IST1: variants seen among roughly 807,000 people sequenced by gnomAD.
The protein encoded by IST1 is IST1 factor associated with ESCRT-III.
Under a neutral mutation model 37.0 loss-of-function variants are expected in IST1, and 23 were observed. That is an observed-to-expected ratio of 0.62 (90% CI 0.45 to 0.88). The LOEUF is 0.88. Among genes scored for constraint, IST1 ranks in the 40% least tolerant of loss-of-function variants. The pLI, the probability that IST1 is intolerant of heterozygous loss-of-function variation, is 0.00. For synonymous variants in IST1, 180 were observed against 161.7 expected, an observed-to-expected ratio of 1.11 and a Z score of -0.86; for missense variants, 488 against 445.4, an observed-to-expected ratio of 1.10 and a Z score of -0.86.
In IST1 at chr16:71,929,465, T is replaced by C. The variant is rs988124954; in HGVS notation, c.*1652T>C. On this transcript the variant is annotated 3_prime_UTR_variant, in exon 10 of 10. Coordinates refer to ENST00000378799, the MANE Select transcript of IST1 (RefSeq NM_001270975.2). ...GAATTAAAAACAAAGTATATTATAA[T>C]TTTAAAGCTATGCCATGCAAAGATA... The C allele has an allele frequency of 2.2e-6, 3 of 1,375,224 alleles. No homozygotes were observed. Among genetic ancestry groups the C allele is most frequent in the African/African-American group, 1.5e-5 (1 of 67,760 alleles). The allele number at this position is 1,375,224 out of a possible 1,614,324, so 85.2% of individuals were successfully genotyped here.
rs1390860368 is a variant in IST1, at chr16:71,900,698, A to C, written c.-16+5109A>C. ...ATATGTATATAAACAGAATACCGAG[A>C]ACTAGGATTGTGGTCACTAGTTCAT... On this transcript the variant is annotated intron_variant, in intron 1 of 9. Coordinates refer to ENST00000378799, the MANE Select transcript of IST1 (RefSeq NM_001270975.2). 2.0e-5 allele frequency among the ~76,000 whole-genome samples: 3 copies of C among 152,330 alleles called. No homozygotes were observed. The East Asian group carries it at 5.8e-4, about 29-fold the overall frequency.
intron 1 of IST1, among the ~76,000 whole-genome samples, chr16:71,911,734 T>C (rs1188870265): frequency 1.4e-5 from 1 of 72,798 alleles, no homozygotes; most frequent in Admixed American, 1.6e-4. Context: ...TTTTTTTTTT[T>C]GAGACAGGGT....
upstream of IST1, chr16:71,894,698 CTT>C (rs35889170): frequency 0.017 from 7,340 of 434,624 alleles, no homozygotes; most frequent in Non-Finnish European, 0.019. Context: ...TAATTTTTAA[CTT>C]TTTTTTTTTT....
At position 71,929,414 on chromosome 16, in the gene IST1, A is replaced by G; in HGVS notation, c.*1601A>G. ...CCAAGATCCATAAGAACTTGGGACC[A>G]AGGGGATTTTGATTCCTAACTTACA... On this transcript the variant is annotated 3_prime_UTR_variant, in exon 10 of 10. Transcript: ENST00000378799. The G allele has an allele frequency of 3.0e-6, 3 of 984,930 alleles. No individual in the cohort carries two copies. Among genetic ancestry groups the G allele is most frequent in the Middle Eastern group, 2.8e-4 (1 of 3,524 alleles). 61.0% of individuals were successfully genotyped at this position (984,930 alleles called of 1,614,324 possible).
At chr16:71,899,144 C>T (rs1188550812) in intron 1 of IST1, among the ~76,000 whole-genome samples, 1 of 152,082 alleles carries the variant, frequency 6.6e-6, no homozygotes, top group African/African-American at 2.4e-5. Flanking sequence ...GCCTTATTTT[C>T]TTGTGAATAA....
intron 6 of IST1, 51 bp from the exon 7 acceptor site, chr16:71,922,423 A>T (rs1176100411): frequency 1.3e-6 from 2 of 1,495,378 alleles, no homozygotes; most frequent in Admixed American, 1.7e-5. Flanking sequence ...CTTTCTGGGG[A>T]ACCTGGCCTT....
chr16:71,899,851 GTC>G (rs751732580), intron 1 of IST1, among the ~76,000 whole-genome samples: 4 of 152,094 alleles, frequency 2.6e-5, no homozygotes, highest in Non-Finnish European at 4.4e-5. Context: ...GTGAAACCCT[GTC>G]TCTACTAAAA....
rs1273249133 is a variant in IST1 at position 71,924,126 on chromosome 16, T to C, written c.853-643T>C. ...CTACCTTGGGCCTGAGTTTTTCTTA[T>C]GCTTTGGTTTTGCATGCGTCACATA... On this transcript the variant is annotated intron_variant, in intron 8 of 9. Transcript: ENST00000378799. 12 of 456,090 alleles carry C rather than the reference T, an allele frequency of 2.6e-5. No individual in the cohort carries two copies. In the East Asian group the frequency reaches 5.6e-4, roughly 21 times the overall value. 28.3% of individuals were successfully genotyped at this position (456,090 alleles called of 1,614,324 possible). A position where few individuals can be genotyped will look rare whatever the true frequency, so the allele number is the denominator to read the frequency against.
chr16:71,926,877 C>T (rs2037757024), intron 9 of IST1, among the ~76,000 whole-genome samples: 1 of 152,070 alleles, frequency 6.6e-6, no homozygotes, highest in Admixed American at 6.6e-5. Flanking sequence ...AGATGGAAGA[C>T]TGGAAATACA....
intron 4 of IST1, among the ~76,000 whole-genome samples, chr16:71,920,347 C>G (rs2037551979): frequency 6.6e-6 from 1 of 152,122 alleles, no homozygotes; most frequent in Admixed American, 6.5e-5. Context: ...TAGCACAAAG[C>G]AAGGAGGCTT....
intron 6 of IST1, among the ~76,000 whole-genome samples, chr16:71,922,139 C>CAA (rs542498007): frequency 7.0e-6 from 1 of 143,060 alleles, no homozygotes. Context: ...GACTCCGTCT[C>CAA]AAAAAAAAAA....
chr16:71,913,924 T>G (rs2037412230), intron 1 of IST1, among the ~76,000 whole-genome samples: 1 of 152,170 alleles, frequency 6.6e-6, no homozygotes, highest in Admixed American at 6.5e-5. Flanking sequence ...TTCTCCTGCC[T>G]CAGCCTCCGG....
chr16:71,895,708 C>T (rs1009918018), intron 1 of IST1, 119 bp downstream of exon 1: 2 of 257,118 alleles, frequency 7.8e-6, no homozygotes, highest in Non-Finnish European at 1.2e-5. Context: ...GAGGGGGCAG[C>T]TGAGGAGAAA....
chr16:71,924,466 C>T, intron 8 of IST1: 1 of 505,290 alleles, frequency 2.0e-6, no homozygotes, highest in African/African-American at 1.9e-5. Flanking sequence ...TGCTGCATGC[C>T]TGTGGTCCCA....
rs1479040504 is a variant in IST1 at position 71,928,599 on chromosome 16, T to TTCAAGTCCTAGGG, written c.*788_*800dup. 1 of 152,668 alleles carries TTCAAGTCCTAGGG rather than the reference T, an allele frequency of 6.6e-6. No individual in the cohort carries two copies. The highest frequency in any genetic ancestry group is 2.4e-5 in the African/African-American group (1 of 41,444). 9.5% of individuals were successfully genotyped at this position (152,668 alleles called of 1,614,324 possible). ...CTGGCAGAGAAAGGACAAGGTGCCA[T>TTCAAGTCCTAGGG]TCAAGTCCTAGGGTGGGCTTCCAGC... On this transcript the variant is annotated 3_prime_UTR_variant, in exon 10 of 10. Transcript: ENST00000378799.
rs755663590 is a variant in IST1, at chr16:71,920,770, A to G, written c.389A>G (p.Lys130Arg). The G allele has an allele frequency of 6.2e-7, 1 of 1,614,036 alleles. No individual in the cohort carries two copies. Among genetic ancestry groups the G allele is most frequent in the South Asian group, 1.1e-5 (1 of 91,074 alleles). Residue 130 changes from lysine to arginine, a missense_variant, in exon 5 of 10, where the codon AAG becomes AGG. Coordinates refer to ENST00000378799, the MANE Select transcript of IST1 (RefSeq NM_001270975.2). ...GATCAGCTCTGTGCCAAGTATAGCA[A>G]GGAATATGGCAAGCTATGTAGGACC... ...VADQLCAKYSKEYGKLCRTNQ... is the reference protein window; with the variant it reads ...VADQLCAKYSREYGKLCRTNQ...
At chr16:71,895,887 C>G (rs962299284) in intron 1 of IST1, among the ~76,000 whole-genome samples, 1 of 152,222 alleles carries the variant, frequency 6.6e-6, no homozygotes. Flanking sequence ...TCTTCCTGCC[C>G]CGAGGTGTGT....
chr16:71,918,014 G>T (rs79391128), intron 4 of IST1, among the ~76,000 whole-genome samples: 1 of 152,140 alleles, frequency 6.6e-6, no homozygotes, highest in Non-Finnish European at 1.5e-5. Context: ...GGAACCTCTC[G>T]TGTGCATGGG....
chr16:71,909,290 TAG>T (rs2037299236), intron 1 of IST1, among the ~76,000 whole-genome samples: 1 of 151,884 alleles, frequency 6.6e-6, no homozygotes, highest in African/African-American at 2.4e-5. Context: ...AAATATTCTG[TAG>T]AGAGGGTCTT....
Sources: allele counts gnomAD v4.1 joint callset (sites outside exome capture counted in the v4.1 genomes callset), GRCh38; gene constraint gnomAD v4.1.1; transcripts MANE v1.5; gene names NCBI Gene and HGNC (gene_info 2026-07-23, HGNC 2026-07-21).